Variants in TRDN observed in about 807,000 individuals in gnomAD.
The protein encoded by TRDN is triadin in skeletal muscle.
In TRDN, 161 loss-of-function variants were observed where a neutral mutation model predicts 149.7. That is an observed-to-expected ratio of 1.08 (90% confidence interval 0.95 to 1.23). The LOEUF is 1.23. Ranked by LOEUF, TRDN falls within the 50% of genes most tolerant of loss-of-function variation. TRDN has a pLI of 0.00. For missense variants in TRDN, 896 were observed against 823.5 expected (o/e 1.09, Z -1.08); for synonymous variants, 294 against 250.5 (o/e 1.17, Z -1.64).
At chr6:123,397,822 A>G (rs762593580) in intron 12 of TRDN, among the ~76,000 whole-genome samples, 1 of 152,320 alleles carries the variant, frequency 6.6e-6, no homozygotes, top group Non-Finnish European at 1.5e-5. Flanking sequence ...ATAGGAGGAG[A>G]AACAAACAAC....
chr6:123,502,509 T>C, intron 8 of TRDN: 1 of 931,292 alleles, frequency 1.1e-6, no homozygotes, highest in African/African-American at 1.8e-5. Flanking sequence ...ATTTTTAAAA[T>C]ATGTATCTTT....
chr6:123,627,214 C>T (rs959790035), intron 1 of TRDN, among the ~76,000 whole-genome samples: 1 of 152,076 alleles, frequency 6.6e-6, no homozygotes, highest in South Asian at 2.1e-4. Flanking sequence ...TAGGCATGAG[C>T]CACCGAGCCT....
chr6:123,437,497 C>T (rs995942470), intron 12 of TRDN: 2 of 233,726 alleles, frequency 8.6e-6, no homozygotes, highest in African/African-American at 2.4e-5. Context: ...CCTCAACCTC[C>T]TGGGCTCAAG....
At chr6:123,388,711 A>G (rs933791607) in intron 13 of TRDN, among the ~76,000 whole-genome samples, 160 bp from the exon 14 acceptor site, 2 of 152,154 alleles carry the variant, frequency 1.3e-5, no homozygotes, top group African/African-American at 2.4e-5. Flanking sequence ...AGAAAATATT[A>G]CTTCATATAA....
chr6:123,232,214 A>G, intron 38 of TRDN, among the ~76,000 whole-genome samples: 1 of 152,016 alleles, frequency 6.6e-6, no homozygotes, highest in East Asian at 1.9e-4. Context: ...GACTGAAAAA[A>G]AAAAATCCTA....
chr6:123,301,741 GTATATATATACATATATA>G (rs1554221672), intron 24 of TRDN, among the ~76,000 whole-genome samples: 906 of 47,338 alleles, frequency 0.019, 42 homozygotes, highest in Non-Finnish European at 0.023. Flanking sequence ...ATGTATGTAT[GTATATATATACATATATA>G]TATATATATA....
chr6:123,394,022 C>T (rs748003813), intron 12 of TRDN, among the ~76,000 whole-genome samples: 4 of 152,086 alleles, frequency 2.6e-5, no homozygotes, highest in Non-Finnish European at 5.9e-5. Flanking sequence ...CCTTTGAAAT[C>T]GATGGCACAT....
intron 1 of TRDN, among the ~76,000 whole-genome samples, chr6:123,603,258 A>G (rs2114655685): frequency 6.6e-6 from 1 of 151,938 alleles, no homozygotes; most frequent in South Asian, 2.1e-4. Context: ...GCCACAGGAA[A>G]AATGTCAACA....
chr6:123,397,736 TG>T (rs1328087831), intron 12 of TRDN, among the ~76,000 whole-genome samples: 3 of 152,186 alleles, frequency 2.0e-5, no homozygotes, highest in Non-Finnish European at 4.4e-5. Flanking sequence ...ACATTGCAAT[TG>T]GGAATTTTGT....
chr6:123,578,180 T>C (rs1351944760), intron 1 of TRDN, among the ~76,000 whole-genome samples: 1 of 152,210 alleles, frequency 6.6e-6, no homozygotes, highest in African/African-American at 2.4e-5. Flanking sequence ...CTATTGCTTT[T>C]GGTATCTTTG....
At chr6:123,369,901 CT>C (rs1424703823) in intron 19 of TRDN, among the ~76,000 whole-genome samples, 1 of 152,084 alleles carries the variant, frequency 6.6e-6, no homozygotes, top group Non-Finnish European at 1.5e-5. Context: ...TTCACAATGT[CT>C]CATGTCACTC....
intron 9 of TRDN, among the ~76,000 whole-genome samples, chr6:123,486,411 G>A (rs9482396): frequency 0.027 from 4,094 of 151,740 alleles, 162 homozygotes; most frequent in East Asian, 0.096. Context: ...AGAAGTTGCC[G>A]TTTAGCTGAT....
intron 7 of TRDN, among the ~76,000 whole-genome samples, chr6:123,506,364 GCTTT>G (rs1778924043): frequency 6.6e-6 from 1 of 152,024 alleles, no homozygotes; most frequent in Admixed American, 6.6e-5. Flanking sequence ...CTACTGGACT[GCTTT>G]CTTTCTTTTG....
chr6:123,294,307 A>G (rs947451920), intron 24 of TRDN, among the ~76,000 whole-genome samples: 1 of 152,154 alleles, frequency 6.6e-6, no homozygotes, highest in Non-Finnish European at 1.5e-5. Context: ...CCCAAGTCTT[A>G]CCTGGTTTTT....
At chr6:123,348,667 G>A (rs901141202) in intron 21 of TRDN, among the ~76,000 whole-genome samples, 3 of 152,046 alleles carry the variant, frequency 2.0e-5, no homozygotes, top group African/African-American at 7.2e-5. Context: ...TTCTATTAAA[G>A]ATTCTTAAGG....
At chr6:123,490,419 T>C (rs1314137540) in intron 9 of TRDN, among the ~76,000 whole-genome samples, 1 of 152,180 alleles carries the variant, frequency 6.6e-6, no homozygotes, top group Non-Finnish European at 1.5e-5. Context: ...TAACATGACA[T>C]GCTACTCAGA....
At chr6:123,337,129 G>A (rs1009549968) in intron 22 of TRDN, among the ~76,000 whole-genome samples, 17 of 151,972 alleles carry the variant, frequency 1.1e-4, no homozygotes, top group African/African-American at 3.6e-4. Context: ...GGCAGAATAT[G>A]CCTCAGAGCA....
intron 28 of TRDN, 84 bp downstream of exon 28, chr6:123,273,253 C>T: frequency 1.0e-6 from 1 of 971,194 alleles, no homozygotes; most frequent in Non-Finnish European, 1.4e-6. Context: ...TATAAAAGCA[C>T]AGGTTGAAAA....
chr6:123,509,889 G>A (rs1332637957), intron 7 of TRDN: 3 of 151,788 alleles, frequency 2.0e-5, no homozygotes, highest in Admixed American at 2.0e-4. Context: ...GACTGCACCT[G>A]GGTTTTTAGT....
Sources: allele counts gnomAD v4.1 joint callset (sites outside exome capture counted in the v4.1 genomes callset), GRCh38; gene constraint gnomAD v4.1.1; transcripts MANE v1.5; gene names NCBI Gene and HGNC (gene_info 2026-07-23, HGNC 2026-07-21).